The following NALF1 variants were observed in gnomAD, a reference collection of about 807,000 sequenced individuals.
NALF1 encodes family with sequence similarity 155 member A.
In NALF1, 3 loss-of-function variants were observed where a neutral mutation model predicts 48.4. The ratio of observed to expected loss-of-function variants is 0.06; its 90% CI spans 0.03 to 0.16. The LOEUF (loss-of-function observed/expected upper bound fraction) is 0.16. Ranked by LOEUF, NALF1 falls within the 10% of genes least tolerant of loss-of-function variation. The pLI is 1.00. For synonymous variants in NALF1, 262 were observed against 245.7 expected (o/e 1.07, Z -0.62); for missense variants, 526 against 571.5 (o/e 0.92, Z 0.81).
intron 1 of NALF1, among the ~76,000 whole-genome samples, chr13:107,803,279 G>A (rs999892799): frequency 6.6e-6 from 1 of 151,936 alleles, no homozygotes; most frequent in African/African-American, 2.4e-5. Context: ...AATTCTAAGG[G>A]CAATTACAAA....
At chr13:107,575,062 C>T (rs1252790575) in intron 1 of NALF1, among the ~76,000 whole-genome samples, 1 of 152,072 alleles carries the variant, frequency 6.6e-6, no homozygotes, top group South Asian at 2.1e-4. Context: ...TTTCACCGTA[C>T]GAGGAGCAAG....
chr13:107,458,204 G>A (rs1884856182), intron 1 of NALF1, among the ~76,000 whole-genome samples: 1 of 152,134 alleles, frequency 6.6e-6, no homozygotes, highest in African/African-American at 2.4e-5. Flanking sequence ...CAGCATTGAA[G>A]GAAAAACGTA....
chr13:107,623,267 A>G (rs1879576584), intron 1 of NALF1, among the ~76,000 whole-genome samples: 1 of 152,200 alleles, frequency 6.6e-6, no homozygotes, highest in Non-Finnish European at 1.5e-5. Flanking sequence ...GTCTCCTACC[A>G]TGACTTCTCT....
chr13:107,414,214 A>G lies in NALF1; in HGVS notation c.916-203459T>C, dbSNP rs889396083. ...AAAATAATTTGAAAAACATATATAT[A>G]TAGAACTTTTATGATGCCAATTTTA... On this transcript the variant is annotated intron_variant, in intron 1 of 2. Transcript: ENST00000375915. Among the ~76,000 whole-genome samples, 11 of 152,210 alleles carry G rather than the reference A, an allele frequency of 7.2e-5. No individual in the cohort carries two copies. In the South Asian group the frequency reaches 2.3e-3, roughly 32 times the overall value.
At chr13:107,339,058 C>T (rs1438638887) in intron 1 of NALF1, among the ~76,000 whole-genome samples, 1 of 149,568 alleles carries the variant, frequency 6.7e-6, no homozygotes, top group Non-Finnish European at 1.5e-5. Context: ...GGCGTGAACT[C>T]GGGAGGTGGA....
At chr13:107,352,128 TG>T (rs1157665664) in intron 1 of NALF1, among the ~76,000 whole-genome samples, 1 of 152,148 alleles carries the variant, frequency 6.6e-6, no homozygotes, top group African/African-American at 2.4e-5. Flanking sequence ...AAAGGTGAAA[TG>T]GATGACACAG....
chr13:107,363,430 C>T (rs759760701), intron 1 of NALF1, among the ~76,000 whole-genome samples: 2 of 152,008 alleles, frequency 1.3e-5, no homozygotes, highest in South Asian at 2.1e-4. Context: ...CACGTTTCTA[C>T]AAAAATAAAA....
At chr13:107,522,539 C>A (rs1024218398) in intron 1 of NALF1, among the ~76,000 whole-genome samples, 1 of 151,254 alleles carries the variant, frequency 6.6e-6, no homozygotes, top group Non-Finnish European at 1.5e-5. Flanking sequence ...ATAAACTTTC[C>A]TTCAGTTCAT....
intron 1 of NALF1, among the ~76,000 whole-genome samples, chr13:107,680,576 G>A (rs890182594): frequency 2.0e-5 from 3 of 150,356 alleles, no homozygotes; most frequent in Non-Finnish European, 4.4e-5. Flanking sequence ...GTGAATGAGG[G>A]TATGTGACTG....
chr13:107,172,152 A>C (rs1319170906), intron 2 of NALF1, among the ~76,000 whole-genome samples: 1 of 152,158 alleles, frequency 6.6e-6, no homozygotes, highest in Admixed American at 6.5e-5. Flanking sequence ...ATTCCTCTAC[A>C]TACTTCTCAT....
At chr13:107,312,089 T>C (rs772589377) in intron 1 of NALF1, among the ~76,000 whole-genome samples, 4 of 152,188 alleles carry the variant, frequency 2.6e-5, no homozygotes, top group Non-Finnish European at 5.9e-5. Context: ...TCCAAAGGAT[T>C]ATAAATCATG....
chr13:107,628,987 T>C (rs913801758), intron 1 of NALF1, among the ~76,000 whole-genome samples: 8 of 152,200 alleles, frequency 5.3e-5, no homozygotes, highest in African/African-American at 1.9e-4. Context: ...ACTTACAGTC[T>C]GTTCTCCAGT....
At chr13:107,796,914 T>G (rs917678968) in intron 1 of NALF1, among the ~76,000 whole-genome samples, 1 of 152,124 alleles carries the variant, frequency 6.6e-6, no homozygotes, top group Non-Finnish European at 1.5e-5. Flanking sequence ...TTTACCATAT[T>G]TTACACGTGC....
At chr13:107,566,823 C>A (rs1877823451) in intron 1 of NALF1, among the ~76,000 whole-genome samples, 1 of 152,094 alleles carries the variant, frequency 6.6e-6, no homozygotes, top group South Asian at 2.1e-4. Flanking sequence ...CAGGCATGAT[C>A]CACTTTTTAA....
intron 1 of NALF1, among the ~76,000 whole-genome samples, chr13:107,280,309 TTC>T (rs1230832951): frequency 6.6e-6 from 1 of 152,208 alleles, no homozygotes. Context: ...GCTTGTAGTT[TTC>T]TCTCTTTTTA....
intron 1 of NALF1, among the ~76,000 whole-genome samples, chr13:107,507,688 CT>C (rs979973425): frequency 6.7e-6 from 1 of 150,080 alleles, no homozygotes; most frequent in Non-Finnish European, 1.5e-5. Flanking sequence ...AAAATCAGGC[CT>C]TTTGGTTCTT....
At chr13:107,308,950 T>C (rs865959874) in intron 1 of NALF1, among the ~76,000 whole-genome samples, 1 of 152,220 alleles carries the variant, frequency 6.6e-6, no homozygotes, top group Non-Finnish European at 1.5e-5. Context: ...TGAAAAACAT[T>C]TGAGGTGTTG....
chr13:107,413,641 T>C (rs1030475371), intron 1 of NALF1, among the ~76,000 whole-genome samples: 1 of 152,180 alleles, frequency 6.6e-6, no homozygotes, highest in Non-Finnish European at 1.5e-5. Context: ...ATGTTTCCAT[T>C]TGAGCCTTTT....
intron 1 of NALF1, among the ~76,000 whole-genome samples, chr13:107,432,231 C>A (rs1029714911): frequency 6.6e-6 from 1 of 152,118 alleles, no homozygotes; most frequent in Non-Finnish European, 1.5e-5. Flanking sequence ...CTGGAGAACT[C>A]ACTCATCTCC....
Sources: gnomAD v4.1 joint callset for allele counts (sites outside exome capture counted in the v4.1 genomes callset) on GRCh38, gnomAD v4.1.1 for gene constraint, MANE v1.5 for transcripts, NCBI Gene and HGNC (gene_info 2026-07-23, HGNC 2026-07-21) for gene names.